MAST4: variants seen among roughly 807,000 people sequenced by gnomAD.
MAST4 encodes the protein microtubule associated serine/threonine kinase family member 4.
A neutral mutation model predicts 162.7 loss-of-function variants in MAST4; 89 were observed. The ratio of observed to expected loss-of-function variants is 0.55; its 90% CI spans 0.46 to 0.65. The LOEUF is 0.65. Among genes scored for constraint, MAST4 ranks in the 30% least tolerant of loss-of-function variants. The pLI, the probability that MAST4 is intolerant of heterozygous loss-of-function variation, is 0.00. For missense variants in MAST4, 3,153 were observed against 3,374.0 expected (o/e 0.93, Z 1.62); for synonymous variants, 1,479 against 1,361.1 (o/e 1.09, Z -1.91).
chr5:66,720,922 C>A (rs1274226889), intron 1 of MAST4, among the ~76,000 whole-genome samples: 1 of 152,122 alleles, frequency 6.6e-6, no homozygotes, highest in African/African-American at 2.4e-5. Context: ...CAGAAGAGAG[C>A]GTCCAGAGAC....
intron 4 of MAST4, among the ~76,000 whole-genome samples, chr5:67,022,876 C>CTT (rs11374395): frequency 4.1e-5 from 6 of 148,002 alleles, no homozygotes; most frequent in Admixed American, 6.8e-5. Flanking sequence ...GCAACAGTAG[C>CTT]TTTTTTTTTT....
intron 4 of MAST4, among the ~76,000 whole-genome samples, chr5:66,968,092 G>A (rs1015151737): frequency 3.3e-5 from 5 of 152,128 alleles, no homozygotes; most frequent in East Asian, 1.9e-4. Flanking sequence ...CACCGAGCAC[G>A]CCTTGCCATC....
intron 5 of MAST4, among the ~76,000 whole-genome samples, chr5:67,078,853 T>C (rs1182140367): frequency 8.3e-6 from 1 of 119,946 alleles, no homozygotes; most frequent in African/African-American, 3.4e-5. Flanking sequence ...TATATTTATA[T>C]ATTTATATAA....
chr5:67,024,955 T>C (rs535809034), intron 4 of MAST4, among the ~76,000 whole-genome samples: 1 of 152,260 alleles, frequency 6.6e-6, no homozygotes, highest in East Asian at 1.9e-4. Flanking sequence ...TGTACAATTA[T>C]TATTTGTCCA....
At chr5:67,106,165 C>T (rs1384378198) in intron 10 of MAST4, among the ~76,000 whole-genome samples, 1 of 152,088 alleles carries the variant, frequency 6.6e-6, no homozygotes. Flanking sequence ...CATCTTTAGT[C>T]TACTCCTCCT....
intron 4 of MAST4, among the ~76,000 whole-genome samples, chr5:66,934,514 T>C (rs1264613523): frequency 2.6e-5 from 4 of 152,172 alleles, no homozygotes; most frequent in African/African-American, 9.6e-5. Flanking sequence ...TCCTGTTTTG[T>C]AAGCCTGTTA....
At chr5:66,940,105 A>G (rs1743203165) in intron 4 of MAST4, among the ~76,000 whole-genome samples, 2 of 152,132 alleles carry the variant, frequency 1.3e-5, no homozygotes, top group African/African-American at 2.4e-5. Flanking sequence ...GTATATATGT[A>G]TATGTATGTA....
chr5:67,167,829 G>A lies in MAST4; in HGVS notation c.*778G>A, dbSNP rs966567044. On this transcript the variant is annotated 3_prime_UTR_variant, in exon 29 of 29. Coordinates refer to ENST00000403625, the MANE Select transcript of MAST4 (RefSeq NM_001164664.2). The stretch of plus-strand genomic sequence containing the variant: ...TGGACACTGGATCCCTGGTCCAACT[G>A]TCTAAAAGGCCAGTTGTTCCTTTCT... 2 of 152,248 alleles carry A rather than the reference G, an allele frequency of 1.3e-5. No homozygotes were observed. The highest frequency in any genetic ancestry group is 4.8e-5 in the African/African-American group (2 of 41,456). 9.4% of individuals were successfully genotyped at this position (152,248 alleles called of 1,614,324 possible).
chr5:66,676,075 A>C (rs781004672), intron 1 of MAST4, among the ~76,000 whole-genome samples: 3 of 152,218 alleles, frequency 2.0e-5, no homozygotes, highest in Non-Finnish European at 4.4e-5. Flanking sequence ...ACACTCAAGA[A>C]TGCTTTTTTG....
chr5:66,748,710 G>A (rs1017903269), intron 1 of MAST4, among the ~76,000 whole-genome samples: 1 of 151,690 alleles, frequency 6.6e-6, no homozygotes, highest in Non-Finnish European at 1.5e-5. Context: ...AGATGGTCTC[G>A]ATCTCTTGAC....
At chr5:66,641,772 TAAC>T (rs59926374) in intron 1 of MAST4, among the ~76,000 whole-genome samples, 3,766 of 152,224 alleles carry the variant, frequency 0.025, 163 homozygotes, top group African/African-American at 0.087. Context: ...TCAATAAAAA[TAAC>T]AACTATAGAG....
chr5:67,112,290 A>G (rs1260413214), intron 11 of MAST4, among the ~76,000 whole-genome samples: 2 of 152,182 alleles, frequency 1.3e-5, no homozygotes, highest in Non-Finnish European at 2.9e-5. Context: ...GTGCTCTCAC[A>G]ACATGATTCT....
chr5:66,678,499 AT>A (rs35152065), intron 1 of MAST4, among the ~76,000 whole-genome samples: 16,420 of 143,584 alleles, frequency 0.11, 943 homozygotes, highest in East Asian at 0.27. Context: ...TATCAACTAC[AT>A]TTTTTTTTTT....
chr5:66,947,133 T>G (rs1744126433), intron 4 of MAST4, among the ~76,000 whole-genome samples: 2 of 152,150 alleles, frequency 1.3e-5, no homozygotes, highest in South Asian at 2.1e-4. Flanking sequence ...TATTTTATTT[T>G]TCTTTCTTAT....
At position 67,145,285 on chromosome 5, in the gene MAST4, G is replaced by T. The variant is rs752758651; in HGVS notation, c.3000G>T (p.Glu1000Asp). ...AASCPGDPHE[E>D]PGKPALPPEE... ...CCTGCCCTGGAGACCCCCATGAGGAGCCAGGAAAGCCAGCCCTTCCTCCTG... is the reference window on the plus strand; with the variant it reads ...CCTGCCCTGGAGACCCCCATGAGGATCCAGGAAAGCCAGCCCTTCCTCCTG... The change falls in exon 23 of 29, where the codon GAG becomes GAT. Residue 1000 changes from glutamate to aspartate, a missense_variant. Physicochemically the swap from Glu to Asp is conservative, Grantham distance 45. Coordinates refer to ENST00000403625, the MANE Select transcript of MAST4 (RefSeq NM_001164664.2). 4.3e-6 allele frequency: 7 copies of T among 1,613,914 alleles called. No individual in the cohort carries two copies. In the East Asian group the frequency reaches 1.6e-4, roughly 36 times the overall value.
At chr5:66,803,262 T>G (rs1362322969) in intron 3 of MAST4, among the ~76,000 whole-genome samples, 1 of 152,228 alleles carries the variant, frequency 6.6e-6, no homozygotes, top group Non-Finnish European at 1.5e-5. Context: ...TCTGTCCCTG[T>G]GCCAATGTCA....
intron 11 of MAST4, among the ~76,000 whole-genome samples, chr5:67,113,403 G>T (rs2150918391): frequency 6.7e-6 from 1 of 148,670 alleles, no homozygotes; most frequent in South Asian, 2.2e-4. Context: ...TGATCCTGAA[G>T]ATTTTTATTA....
At chr5:67,017,599 T>C (rs1392599695) in intron 4 of MAST4, among the ~76,000 whole-genome samples, 1 of 145,558 alleles carries the variant, frequency 6.9e-6, no homozygotes, top group African/African-American at 2.5e-5. Context: ...CTTTCTTTTT[T>C]CTTTTCTTTT....
rs1354843288 is a variant in MAST4 at position 66,751,768 on chromosome 5, C to T, written c.364-7941C>T. ...TCCCCAGTCTAGCAAGGCAGGCCAA[C>T]GTTCAGATTCAGGAAATACAGAGAA... On this transcript the variant is annotated intron_variant, in intron 1 of 28. Coordinates refer to ENST00000403625, the MANE Select transcript of MAST4 (RefSeq NM_001164664.2). Among the ~76,000 whole-genome samples, 10 of 149,986 alleles carry T rather than the reference C, an allele frequency of 6.7e-5. 1 individual carries two copies. The highest frequency in any genetic ancestry group is 1.9e-4 in the East Asian group (1 of 5,174).
Sources: allele counts gnomAD v4.1 joint callset (sites outside exome capture counted in the v4.1 genomes callset), GRCh38; gene constraint gnomAD v4.1.1; transcripts MANE v1.5; gene names NCBI Gene and HGNC (gene_info 2026-07-23, HGNC 2026-07-21).